Variants in FUT9 observed in about 807,000 individuals in gnomAD.
FUT9 encodes 4-galactosyl-N-acetylglucosaminide 3-alpha-L-fucosyltransferase 9.
In FUT9, 15 loss-of-function variants were observed where a neutral mutation model predicts 29.7. That is an observed-to-expected ratio of 0.51 (90% CI 0.34 to 0.78). The LOEUF is 0.78. FUT9 is among the 30% of genes least tolerant of loss of function. The pLI is 0.01. For synonymous variants in FUT9, 169 were observed against 153.7 expected (o/e 1.10, Z -0.74); for missense variants, 319 against 425.4 (o/e 0.75, Z 2.20).
intron 1 of FUT9, among the ~76,000 whole-genome samples, chr6:96,067,444 G>A (rs1455554138): frequency 6.6e-6 from 1 of 152,088 alleles, no homozygotes; most frequent in Non-Finnish European, 1.5e-5. Flanking sequence ...TTAAACATAG[G>A]AATGACGGAG....
intron 2 of FUT9, among the ~76,000 whole-genome samples, chr6:96,169,630 G>A (rs1015006702): frequency 3.3e-5 from 5 of 152,068 alleles, no homozygotes; most frequent in African/African-American, 1.2e-4. Context: ...TTAAATGTAA[G>A]TCTTTCGCTC....
chr6:96,081,318 A>G (rs1229774799), intron 1 of FUT9, among the ~76,000 whole-genome samples: 1 of 151,170 alleles, frequency 6.6e-6, no homozygotes, highest in Admixed American at 6.6e-5. Context: ...TCACACACAA[A>G]CACACACCCT....
At chr6:96,127,348 T>C (rs1772152301) in intron 2 of FUT9, among the ~76,000 whole-genome samples, 1 of 152,224 alleles carries the variant, frequency 6.6e-6, no homozygotes, top group Non-Finnish European at 1.5e-5. Flanking sequence ...ATTCCATCCA[T>C]GTTGCTGCGA....
At chr6:96,155,349 T>G (rs1772760459) in intron 2 of FUT9, among the ~76,000 whole-genome samples, 1 of 152,130 alleles carries the variant, frequency 6.6e-6, no homozygotes, top group Admixed American at 6.5e-5. Context: ...AGTCCCAATC[T>G]CCAGTATGTT....
At chr6:96,155,797 A>G (rs1207932463) in intron 2 of FUT9, among the ~76,000 whole-genome samples, 1 of 152,092 alleles carries the variant, frequency 6.6e-6, no homozygotes, top group Non-Finnish European at 1.5e-5. Context: ...TCTGCAAGCC[A>G]AGAAAGAGTC....
chr6:96,060,462 C>A (rs1770853303), intron 1 of FUT9, among the ~76,000 whole-genome samples: 2 of 151,966 alleles, frequency 1.3e-5, no homozygotes, highest in African/African-American at 2.4e-5. Flanking sequence ...AATGATGTAA[C>A]CATTTAAGTA....
intron 1 of FUT9, among the ~76,000 whole-genome samples, chr6:96,028,373 G>A (rs973689455): frequency 6.6e-6 from 1 of 151,424 alleles, no homozygotes; most frequent in Non-Finnish European, 1.5e-5. Context: ...TATTTTTAAT[G>A]GCAAAGGAAT....
rs1582313525 is a variant in FUT9 at position 96,210,218 on chromosome 6, G to C, written c.*5983G>C. 6.0e-6 allele frequency: 1 copy of C among 166,832 alleles called. No individual in the cohort carries two copies. The highest frequency in any genetic ancestry group is 1.5e-5 in the Non-Finnish European group (1 of 68,032). The allele number at this position is 166,832 out of a possible 1,614,324, so 10.3% of individuals were successfully genotyped here. A position where few individuals can be genotyped will look rare whatever the true frequency, so the allele number is the denominator to read the frequency against. ...GTATTACCTTTCTTTAGTTCACCTG[G>C]AATCTTCTTAAATATATCGGTAAAG... On this transcript the variant is annotated 3_prime_UTR_variant, in exon 3 of 3. Transcript: ENST00000302103.
chr6:96,133,155 C>A (rs934544596), intron 2 of FUT9, among the ~76,000 whole-genome samples: 13 of 151,786 alleles, frequency 8.6e-5, no homozygotes, highest in Admixed American at 5.3e-4. Flanking sequence ...ATATTCTTGT[C>A]TTTTAGGGAA....
chr6:96,022,218 A>G (rs973098217), intron 1 of FUT9, among the ~76,000 whole-genome samples: 2 of 152,028 alleles, frequency 1.3e-5, no homozygotes, highest in Non-Finnish European at 2.9e-5. Context: ...TCACTAGTCA[A>G]TTCCTGCTGA....
At chr6:96,144,311 G>A (rs144144185) in intron 2 of FUT9, among the ~76,000 whole-genome samples, 1 of 152,064 alleles carries the variant, frequency 6.6e-6, no homozygotes, top group South Asian at 2.1e-4. Context: ...TATTCATTTA[G>A]GGAAATTGCT....
chr6:96,061,506 T>G (rs1043036369), intron 1 of FUT9, among the ~76,000 whole-genome samples: 1 of 151,880 alleles, frequency 6.6e-6, no homozygotes. Flanking sequence ...ACTGCTTCCT[T>G]TTTTATTTTC....
At position 96,111,540 on chromosome 6, in the gene FUT9, A is replaced by AACACACAC. The variant is rs66491542; in HGVS notation, c.-97-2461_-97-2454dup. 7.0e-3 allele frequency among the ~76,000 whole-genome samples: 1,023 copies of AACACACAC among 145,624 alleles called. 1 individual carries two copies. Among genetic ancestry groups the AACACACAC allele is most frequent in the East Asian group, 0.026 (130 of 4,918 alleles). On this transcript the variant is annotated intron_variant, in intron 1 of 2. Transcript: ENST00000302103. Reference sequence around the variant, plus strand: ...ATTAAATTATAACCATGATTTGGGAAACACACACACACACACACACACACA... The same window carrying AACACACAC: ...ATTAAATTATAACCATGATTTGGGAAACACACACACACACACACACACACACACACACA...
At chr6:96,046,220 T>G in intron 1 of FUT9, among the ~76,000 whole-genome samples, 1 of 68,448 alleles carries the variant, frequency 1.5e-5, no homozygotes, top group East Asian at 5.0e-4. Flanking sequence ...TACACAGATA[T>G]GCACACACAC....
chr6:96,194,292 A>C (rs182928215), intron 2 of FUT9, among the ~76,000 whole-genome samples: 6 of 152,268 alleles, frequency 3.9e-5, no homozygotes, highest in Admixed American at 1.3e-4. Context: ...TTCTGATTTC[A>C]TATGTCTGGG....
chr6:96,112,370 G>A (rs948040735), intron 1 of FUT9, among the ~76,000 whole-genome samples: 14 of 152,222 alleles, frequency 9.2e-5, no homozygotes, highest in Admixed American at 5.2e-4. Context: ...ATGCATTTGA[G>A]AAAAAGAACA....
rs566875630 is a variant in FUT9, at chr6:96,214,712, T to G, written c.*10477T>G. On this transcript the variant is annotated 3_prime_UTR_variant, in exon 3 of 3. Transcript: ENST00000302103. Reference sequence around the variant, plus strand: ...AAATTAATCATTCATGGTAATATATTAAGGCTGGAACGTAGCTCTTAGTGA... The same window carrying G: ...AAATTAATCATTCATGGTAATATATGAAGGCTGGAACGTAGCTCTTAGTGA... 1.8e-5 allele frequency: 3 copies of G among 167,088 alleles called. No individual in the cohort carries two copies. The highest frequency in any genetic ancestry group is 2.9e-5 in the Non-Finnish European group (2 of 68,040). 10.4% of individuals were successfully genotyped at this position (167,088 alleles called of 1,614,324 possible).
rs1773946370 is a variant in FUT9, at chr6:96,212,012, T to C, written c.*7777T>C. 2.4e-6 allele frequency: 1 copy of C among 411,606 alleles called. No individual in the cohort carries two copies. Among genetic ancestry groups the C allele is most frequent in the Non-Finnish European group, 4.4e-6 (1 of 224,888 alleles). The allele number at this position is 411,606 out of a possible 1,614,324, so 25.5% of individuals were successfully genotyped here. On this transcript the variant is annotated 3_prime_UTR_variant, in exon 3 of 3. Transcript: ENST00000302103. The stretch of plus-strand genomic sequence containing the variant: ...TATCTGAAAAATTTTAAGGGCCAAT[T>C]CTACAGAAAGTTATGCTAACATGCT...
chr6:96,195,835 G>GAAAA (rs1773614642), intron 2 of FUT9, among the ~76,000 whole-genome samples: 1 of 152,074 alleles, frequency 6.6e-6, no homozygotes, highest in African/African-American at 2.4e-5. Flanking sequence ...GATTTTTGCA[G>GAAAA]AATCCTGTAC....
Sources: allele counts gnomAD v4.1 joint callset (sites outside exome capture counted in the v4.1 genomes callset), GRCh38; gene constraint gnomAD v4.1.1; transcripts MANE v1.5; gene names NCBI Gene and HGNC (gene_info 2026-07-23, HGNC 2026-07-21).